The following SCN8A variants were observed in gnomAD, a reference collection of about 807,000 sequenced individuals.
The protein encoded by SCN8A is sodium voltage-gated channel alpha subunit 8, also known as sodium channel protein type 8 subunit alpha.
A neutral mutation model predicts 184.1 loss-of-function variants in SCN8A; 30 were observed. The observed-to-expected ratio is 0.16, with a 90% CI of 0.12 to 0.22. SCN8A has a LOEUF of 0.22. SCN8A is among the 10% of genes least tolerant of loss of function. SCN8A has a pLI of 1.00. For missense variants in SCN8A, 1,057 were observed against 2,498.9 expected, an observed-to-expected ratio of 0.42 and a Z score of 12.30; for synonymous variants, 852 against 907.0, an observed-to-expected ratio of 0.94 and a Z score of 1.09.
At chr12:51,674,836 G>A (rs370436364) in intron 2 of SCN8A, among the ~76,000 whole-genome samples, 23 of 152,244 alleles carry the variant, frequency 1.5e-4, no homozygotes, top group African/African-American at 5.5e-4. Flanking sequence ...GTGATTGATG[G>A]CACCCACTTT....
At chr12:51,733,457 A>T (rs1023158528) in intron 12 of SCN8A, among the ~76,000 whole-genome samples, 1 of 152,114 alleles carries the variant, frequency 6.6e-6, no homozygotes, top group Admixed American at 6.5e-5. Context: ...TTGGTTTGCT[A>T]GTATTTTGTT....
chr12:51,769,269 G>A lies in SCN8A; in HGVS notation c.3306G>A (p.Glu1102=), dbSNP rs777846977. Residue 1102 remains glutamate (E), a synonymous_variant, in exon 17 of 27, where the codon GAG becomes GAA. Coordinates refer to ENST00000627620, the MANE Select transcript of SCN8A (RefSeq NM_001330260.2). ...TACGGGTACCCATTGCTGTGGGCGA[G>A]TCTGACTTTGAGAACCTCAACACAG... ...LTVRVPIAVG[E]SDFENLNTED... 1.2e-6 allele frequency: 2 copies of A among 1,611,280 alleles called. No homozygotes were observed. The highest frequency in any genetic ancestry group is 1.1e-5 in the South Asian group (1 of 91,012).
chr12:51,645,135 G>A (rs1368567312), intron 1 of SCN8A, among the ~76,000 whole-genome samples: 1 of 148,112 alleles, frequency 6.8e-6, no homozygotes, highest in Non-Finnish European at 1.5e-5. Flanking sequence ...GGGCGCCTCT[G>A]CCCGGCCGCC....
intron 11 of SCN8A, among the ~76,000 whole-genome samples, chr12:51,715,657 CAAAAAAAA>C (rs71092719): frequency 7.0e-5 from 5 of 71,850 alleles, no homozygotes; most frequent in African/African-American, 2.1e-4. Flanking sequence ...GTCTCTGTCT[CAAAAAAAA>C]AAAAAAAAAA....
chr12:51,651,208 G>T (rs1188256330), intron 1 of SCN8A, among the ~76,000 whole-genome samples: 2 of 152,148 alleles, frequency 1.3e-5, no homozygotes, highest in Non-Finnish European at 2.9e-5. Context: ...CAGAGATTTT[G>T]TTTATGGCCA....
intron 2 of SCN8A, among the ~76,000 whole-genome samples, chr12:51,674,283 G>C (rs1162530864): frequency 6.6e-6 from 1 of 152,120 alleles, no homozygotes. Context: ...CTGCAGGCTT[G>C]TGCCAAGTAT....
At chr12:51,680,363 A>G (rs1478077386) in intron 2 of SCN8A, among the ~76,000 whole-genome samples, 1 of 152,204 alleles carries the variant, frequency 6.6e-6, no homozygotes, top group African/African-American at 2.4e-5. Context: ...TGAATTCACT[A>G]AAGATGCTTA....
chr12:51,722,159 C>G lies in SCN8A; in HGVS notation c.1998+251C>G, dbSNP rs1592406705. The G allele has an allele frequency of 6.9e-6, 4 of 582,254 alleles. No homozygotes were observed. In the East Asian group the frequency reaches 1.2e-4, roughly 17 times the overall value. 36.1% of individuals were successfully genotyped at this position (582,254 alleles called of 1,614,324 possible). ...CTTCTCCTTTCCTTTATTCTTTGCT[C>G]CATTTTCCCCATCTTCCCTCCTTGT... On this transcript the variant is annotated intron_variant, in intron 12 of 26. Coordinates refer to ENST00000627620, the MANE Select transcript of SCN8A (RefSeq NM_001330260.2).
rs1000845400 is a variant in SCN8A, at chr12:51,812,517, G to A, written c.*5088G>A. 3.9e-5 allele frequency: 6 copies of A among 152,208 alleles called. No individual in the cohort carries two copies. Among genetic ancestry groups the A allele is most frequent in the African/African-American group, 1.4e-4 (6 of 41,444 alleles). The allele number at this position is 152,208 out of a possible 1,614,324, so 9.4% of individuals were successfully genotyped here. Reference sequence around the variant, plus strand: ...TTATTGGACTTAAGGAAGCTGAAATGGTACCATAAATGCTGCTATTCTGAG... The same window carrying A: ...TTATTGGACTTAAGGAAGCTGAAATAGTACCATAAATGCTGCTATTCTGAG... On this transcript the variant is annotated 3_prime_UTR_variant, in exon 27 of 27. Coordinates refer to ENST00000627620, the MANE Select transcript of SCN8A (RefSeq NM_001330260.2).
chr12:51,768,930 T>A lies in SCN8A; in HGVS notation c.2967T>A (p.Asp989Glu), dbSNP rs759936291. 3 of 1,604,460 alleles carry A rather than the reference T, an allele frequency of 1.9e-6. No individual in the cohort carries two copies. The Admixed American group carries it at 5.0e-5, about 27-fold the overall frequency. ...SFSADNLAAT[D>E]DDGEMNNLQI... ...GTGCAGACAACCTGGCTGCCACAGA[T>A]GACGATGGGGAAATGAACAACCTCC... The change falls in exon 17 of 27, where the codon GAT (aspartate) becomes GAA (glutamate). Residue 989 changes from aspartate to glutamate, a missense_variant. Asp to Glu is a conservative substitution (Grantham distance 45). Around this residue, in one of 19 missense-constraint regions of SCN8A, gnomAD observed 178 missense variants for 259.6 expected, o/e 0.69. Coordinates refer to ENST00000627620, the MANE Select transcript of SCN8A (RefSeq NM_001330260.2).
At chr12:51,729,432 T>C (rs1304323392) in intron 12 of SCN8A, among the ~76,000 whole-genome samples, 1 of 152,072 alleles carries the variant, frequency 6.6e-6, no homozygotes. Flanking sequence ...AATATGTATT[T>C]GTATTTGACT....
intron 11 of SCN8A, among the ~76,000 whole-genome samples, chr12:51,719,948 C>T (rs1275410933): frequency 5.9e-5 from 9 of 151,592 alleles, no homozygotes; most frequent in Admixed American, 2.0e-4. Context: ...TGGTAGCGGG[C>T]GCCTGTAGTC....
At chr12:51,628,365 C>G (rs1940124746) in intron 1 of SCN8A, among the ~76,000 whole-genome samples, 1 of 152,178 alleles carries the variant, frequency 6.6e-6, no homozygotes, top group Non-Finnish European at 1.5e-5. Flanking sequence ...CTTACAAAGT[C>G]CCTTGCTTCT....
At chr12:51,735,085 C>T (rs1324618840) in intron 12 of SCN8A, among the ~76,000 whole-genome samples, 2 of 151,982 alleles carry the variant, frequency 1.3e-5, no homozygotes, top group African/African-American at 2.4e-5. Flanking sequence ...TAATAGTTTC[C>T]ACAAATCCTT....
chr12:51,748,405 A>T (rs1397746390), intron 13 of SCN8A, among the ~76,000 whole-genome samples: 1 of 152,144 alleles, frequency 6.6e-6, no homozygotes, highest in Non-Finnish European at 1.5e-5. Context: ...TATTGCAAAC[A>T]TGCTTACCAG....
chr12:51,738,431 G>A (rs1259787907), intron 12 of SCN8A, among the ~76,000 whole-genome samples: 4 of 152,304 alleles, frequency 2.6e-5, no homozygotes, highest in African/African-American at 9.6e-5. Context: ...CACGTGGACA[G>A]CCAGTGCTAT....
intron 15 of SCN8A, 62 bp from the exon 16 acceptor site, chr12:51,765,609 A>G (rs769657511): frequency 1.3e-4 from 125 of 962,852 alleles, no homozygotes; most frequent in Non-Finnish European, 1.8e-4. Flanking sequence ...TATTTTAGCC[A>G]TGTGGTGAGA....
intron 2 of SCN8A, among the ~76,000 whole-genome samples, chr12:51,665,761 C>A (rs577812234): frequency 6.6e-6 from 1 of 152,202 alleles, no homozygotes; most frequent in African/African-American, 2.4e-5. Context: ...CAGGAACCCT[C>A]ATGAAGAAAT....
intron 12 of SCN8A, among the ~76,000 whole-genome samples, chr12:51,725,800 A>G (rs934507210): frequency 5.3e-5 from 8 of 152,218 alleles, no homozygotes; most frequent in Non-Finnish European, 1.0e-4. Flanking sequence ...TCTTAAATTA[A>G]CTAGAAGCCC....
Sources: gnomAD v4.1 joint callset for allele counts (sites outside exome capture counted in the v4.1 genomes callset) on GRCh38, gnomAD v4.1.1 for gene constraint, gnomAD v4.1.1 regional missense constraint, MANE v1.5 for transcripts, NCBI Gene and HGNC (gene_info 2026-07-23, HGNC 2026-07-21) for gene names.